MEI4: variants seen among roughly 807,000 people sequenced by gnomAD.
MEI4 encodes the protein meiosis-specific protein MEI4.
MEI4 carries 27 observed loss-of-function variants against 31.4 expected under a neutral mutation model. The observed-to-expected ratio is 0.86, with a 90% CI of 0.63 to 1.19. The LOEUF (loss-of-function observed/expected upper bound fraction) is 1.19. MEI4 is among the 50% of genes most tolerant of loss of function. The pLI, the probability that MEI4 is intolerant of heterozygous loss-of-function variation, is 0.00. For missense variants in MEI4, 329 were observed against 398.9 expected (o/e 0.82, Z 1.49); for synonymous variants, 122 against 145.4 (o/e 0.84, Z 1.16).
intron 3 of MEI4, among the ~76,000 whole-genome samples, chr6:77,821,201 G>T (rs377528957): frequency 1.3e-5 from 2 of 151,286 alleles, no homozygotes. Context: ...TCTATATTCC[G>T]TATCAGATAA....
chr6:77,873,555 G>A (rs552250915), intron 4 of MEI4, among the ~76,000 whole-genome samples: 2 of 152,250 alleles, frequency 1.3e-5, no homozygotes, highest in South Asian at 2.1e-4. Flanking sequence ...TCTGTAGGCT[G>A]CCTGTTCACT....
intron 3 of MEI4, among the ~76,000 whole-genome samples, chr6:77,799,493 T>G (rs893614304): frequency 5.3e-5 from 8 of 152,128 alleles, no homozygotes; most frequent in Non-Finnish European, 8.8e-5. Context: ...AGCTCTTTAG[T>G]TTAATTAGAT....
chr6:77,783,487 A>G (rs939877126), intron 3 of MEI4, among the ~76,000 whole-genome samples: 4 of 152,224 alleles, frequency 2.6e-5, no homozygotes, highest in African/African-American at 9.6e-5. Context: ...AAAATATAAC[A>G]GAAGTATGTA....
chr6:77,813,197 C>T (rs1193844387), intron 3 of MEI4, among the ~76,000 whole-genome samples: 1 of 152,064 alleles, frequency 6.6e-6, no homozygotes, highest in East Asian at 1.9e-4. Flanking sequence ...TATTGCTTAA[C>T]ATAGGGTCAG....
In MEI4 at chr6:77,923,130, C is replaced by G; in HGVS notation, c.942C>G (p.Phe314Leu). Residue 314 changes from phenylalanine to leucine, a missense_variant, in exon 5 of 5, where the codon TTC becomes TTG. Phe to Leu is a conservative substitution (Grantham distance 22). Transcript: ENST00000684080. ...SYDVSRYENIFYLFWVLEQLL... is the reference protein window; with the variant it reads ...SYDVSRYENILYLFWVLEQLL... ...ATGTGTCACGCTATGAAAACATTTTCTACCTGTTCTGGGTTCTGGAGCAGC... is the reference window on the plus strand; with the variant it reads ...ATGTGTCACGCTATGAAAACATTTTGTACCTGTTCTGGGTTCTGGAGCAGC... The G allele has an allele frequency of 1.6e-6, 2 of 1,230,472 alleles. No individual in the cohort carries two copies. The highest frequency in any genetic ancestry group is 2.0e-6 in the Non-Finnish European group (2 of 986,798). 76.2% of individuals were successfully genotyped at this position (1,230,472 alleles called of 1,614,324 possible).
chr6:77,738,504 TG>T, intron 2 of MEI4, among the ~76,000 whole-genome samples: 1 of 152,216 alleles, frequency 6.6e-6, no homozygotes, highest in Non-Finnish European at 1.5e-5. Flanking sequence ...GAGGGGCATT[TG>T]GGTTGGTTCC....
At chr6:77,861,862 T>TC (rs1770874396) in intron 4 of MEI4, among the ~76,000 whole-genome samples, 1 of 152,212 alleles carries the variant, frequency 6.6e-6, no homozygotes, top group South Asian at 2.1e-4. Flanking sequence ...GTATTGTTGT[T>TC]ATTCTTACTG....
At chr6:77,779,215 G>A (rs1429087606) in intron 3 of MEI4, among the ~76,000 whole-genome samples, 1 of 152,126 alleles carries the variant, frequency 6.6e-6, no homozygotes, top group Non-Finnish European at 1.5e-5. Flanking sequence ...AGCAATAGGA[G>A]AAAAATTAGG....
At chr6:77,744,026 G>T (rs1347399482) in intron 2 of MEI4, among the ~76,000 whole-genome samples, 3 of 152,114 alleles carry the variant, frequency 2.0e-5, no homozygotes, top group Non-Finnish European at 4.4e-5. Context: ...AGAAAAAACA[G>T]AGCAGAAAAA....
chr6:77,908,258 C>A (rs1377344543), intron 4 of MEI4, among the ~76,000 whole-genome samples: 1 of 152,104 alleles, frequency 6.6e-6, no homozygotes, highest in Non-Finnish European at 1.5e-5. Context: ...CCTAGGTTTT[C>A]TTCTAGGGAT....
chr6:77,708,208 A>G (rs188154018), intron 2 of MEI4, among the ~76,000 whole-genome samples: 147 of 152,368 alleles, frequency 9.6e-4, no homozygotes, highest in African/African-American at 2.3e-3. Flanking sequence ...GAGCTGCCCA[A>G]GGCTTTGGGA....
At chr6:77,659,099 TAGAC>T (rs1768452692) in intron 1 of MEI4, among the ~76,000 whole-genome samples, 1 of 151,852 alleles carries the variant, frequency 6.6e-6, no homozygotes, top group African/African-American at 2.4e-5. Context: ...GAGAAGTCAT[TAGAC>T]AGGCTACGGA....
intron 2 of MEI4, among the ~76,000 whole-genome samples, chr6:77,760,915 C>A (rs572239888): frequency 6.6e-6 from 1 of 152,152 alleles, no homozygotes; most frequent in Non-Finnish European, 1.5e-5. Flanking sequence ...GAATGAGTCA[C>A]CTTTCTACCC....
chr6:77,673,612 C>T (rs1768788026), intron 1 of MEI4, among the ~76,000 whole-genome samples: 1 of 152,152 alleles, frequency 6.6e-6, no homozygotes, highest in Admixed American at 6.5e-5. Flanking sequence ...GCCCCTGACC[C>T]TCAAGGAACT....
At position 77,924,429 on chromosome 6, in the gene MEI4, AACT is replaced by A. The variant is rs1394777390; in HGVS notation, c.*1086_*1088del. 1 of 151,888 alleles carries A rather than the reference AACT, an allele frequency of 6.6e-6. No homozygotes were observed. Among genetic ancestry groups the A allele is most frequent in the East Asian group, 1.9e-4 (1 of 5,160 alleles). The allele number at this position is 151,888 out of a possible 1,614,324, so 9.4% of individuals were successfully genotyped here. On this transcript the variant is annotated 3_prime_UTR_variant, in exon 5 of 5. Transcript: ENST00000684080. ...GATAATGCCTTTTTGATAATCCTGA[AACT>A]ACATGTATGTCAGTCAGCTTTTGTT...
chr6:77,904,468 C>A (rs779286876), intron 4 of MEI4, among the ~76,000 whole-genome samples: 4 of 152,094 alleles, frequency 2.6e-5, no homozygotes, highest in African/African-American at 9.7e-5. Context: ...TCCCACCCCC[C>A]ACTCTCAAGT....
intron 3 of MEI4, among the ~76,000 whole-genome samples, chr6:77,824,655 A>C (rs202224241): frequency 0.018 from 1 of 56 alleles, no homozygotes; most frequent in Non-Finnish European, 0.025. Context: ...CATTCAAGTT[A>C]AAAAAAAAAA....
rs185785343 is a variant in MEI4 at position 77,909,080 on chromosome 6, C to T, written c.901-14009C>T. Reference sequence around the variant, plus strand: ...TTTCAGCACCACACCACACCTATTCCAAAATTGACCACATAGTTGGAACTA... The same window carrying T: ...TTTCAGCACCACACCACACCTATTCTAAAATTGACCACATAGTTGGAACTA... On this transcript the variant is annotated intron_variant, in intron 4 of 4. Transcript: ENST00000684080. Among the ~76,000 whole-genome samples the T allele has an allele frequency of 2.7e-3, 409 of 152,200 alleles. 1 individual carries two copies. The highest frequency in any genetic ancestry group is 9.6e-3 in the African/African-American group (399 of 41,534).
chr6:77,732,042 A>G (rs928214426), intron 2 of MEI4, among the ~76,000 whole-genome samples: 3 of 148,408 alleles, frequency 2.0e-5, no homozygotes, highest in African/African-American at 7.6e-5. Context: ...TTTGTAGTAT[A>G]GTTTGAAGTC....
Sources: gnomAD v4.1 joint callset for allele counts (sites outside exome capture counted in the v4.1 genomes callset) on GRCh38, gnomAD v4.1.1 for gene constraint, MANE v1.5 for transcripts, NCBI Gene and HGNC (gene_info 2026-07-23, HGNC 2026-07-21) for gene names.